The following FYCO1 variants were observed in gnomAD, a reference collection of about 807,000 sequenced individuals.
The protein encoded by FYCO1 is FYVE and coiled-coil domain-containing protein 1.
A neutral mutation model predicts 165.1 loss-of-function variants in FYCO1; 122 were observed. The observed-to-expected ratio is 0.74, with a 90% confidence interval of 0.64 to 0.86. The LOEUF is 0.86. Among genes scored for constraint, FYCO1 ranks in the 40% least tolerant of loss-of-function variants. FYCO1 has a pLI of 0.00. For missense variants in FYCO1, 1,702 were observed against 1,810.3 expected, an observed-to-expected ratio of 0.94 and a Z score of 1.09; for synonymous variants, 648 against 742.5, an observed-to-expected ratio of 0.87 and a Z score of 2.07.
At chr3:45,923,053 C>T (rs1002322227) in intron 17 of FYCO1, among the ~76,000 whole-genome samples, 2 of 152,202 alleles carry the variant, frequency 1.3e-5, no homozygotes, top group Non-Finnish European at 2.9e-5. Context: ...CATCTCCCTC[C>T]ATTCTCATTC....
chr3:45,984,960 A>T lies in FYCO1; in HGVS notation c.-50T>A, dbSNP rs749485330. 1 of 1,606,280 alleles carries T rather than the reference A, an allele frequency of 6.2e-7. No homozygotes were observed. Among genetic ancestry groups the T allele is most frequent in the South Asian group, 1.1e-5 (1 of 90,896 alleles). ...ATGTCTCCTGCCTGGGTCCAGAGGAAGGCTCAGAATTTCGGCCCTCGGTGG... is the reference window on the plus strand; with the variant it reads ...ATGTCTCCTGCCTGGGTCCAGAGGATGGCTCAGAATTTCGGCCCTCGGTGG... On this transcript the variant is annotated 5_prime_UTR_variant, in exon 2 of 18. Coordinates refer to ENST00000296137, the MANE Select transcript of FYCO1 (RefSeq NM_024513.4).
chr3:45,980,639 C>T (rs1050134265), intron 3 of FYCO1, among the ~76,000 whole-genome samples: 6 of 152,202 alleles, frequency 3.9e-5, no homozygotes, highest in East Asian at 3.8e-4. Context: ...CCCTTCAGCA[C>T]GTTAGGGGCC....
Position 45,946,956 on chromosome 3 carries a change from TC to T in FYCO1, c.3944+8292del, listed in dbSNP as rs1389355895. Reference sequence around the variant, plus strand: ...CACCAGCTTGCTCATCTGGGTGATATCCCTGCTGGTTTCCTTGCCCCAAATT... The same window carrying T: ...CACCAGCTTGCTCATCTGGGTGATATCCTGCTGGTTTCCTTGCCCCAAATT... On this transcript the variant is annotated intron_variant, in intron 14 of 17. Transcript: ENST00000296137. 4 of 1,614,110 alleles carry T rather than the reference TC, an allele frequency of 2.5e-6. No homozygotes were observed. The African/African-American group carries it at 5.3e-5, about 22-fold the overall frequency.
chr3:45,990,163 A>T (rs1280657823), intron 1 of FYCO1, among the ~76,000 whole-genome samples: 4 of 152,214 alleles, frequency 2.6e-5, no homozygotes, highest in African/African-American at 9.7e-5. Flanking sequence ...CTCTGATAGA[A>T]TATGACATAG....
At chr3:45,932,547 A>G (rs1250808238) in intron 15 of FYCO1, among the ~76,000 whole-genome samples, 6 of 152,210 alleles carry the variant, frequency 3.9e-5, no homozygotes, top group African/African-American at 1.2e-4. Context: ...TGTGGAGAAA[A>G]TGTATTACTA....
At chr3:45,956,868 A>AT (rs573849208) in intron 13 of FYCO1, among the ~76,000 whole-genome samples, 134 of 152,244 alleles carry the variant, frequency 8.8e-4, no homozygotes, top group Non-Finnish European at 1.7e-3. Flanking sequence ...TATCACCAGG[A>AT]TTTTTTGTAG....
intron 12 of FYCO1, 192 bp from the exon 13 acceptor site, chr3:45,958,811 G>T (rs1705516931): frequency 1.5e-6 from 1 of 683,768 alleles, no homozygotes; most frequent in Non-Finnish European, 2.6e-6. Context: ...GTGAAAGCAT[G>T]GTTTACTTCC....
chr3:45,961,198 A>G (rs1705680810), intron 11 of FYCO1, among the ~76,000 whole-genome samples: 1 of 152,180 alleles, frequency 6.6e-6, no homozygotes, highest in Non-Finnish European at 1.5e-5. Context: ...CAATCGGAAA[A>G]ATTTGAAACT....
intron 13 of FYCO1, among the ~76,000 whole-genome samples, chr3:45,955,945 A>G (rs942015498): frequency 5.3e-5 from 8 of 152,214 alleles, no homozygotes; most frequent in Middle Eastern, 3.2e-3. Context: ...ACCACTTAGT[A>G]GGAAGGCCAC....
intron 14 of FYCO1, chr3:45,947,238 A>C: frequency 6.2e-7 from 1 of 1,614,172 alleles, no homozygotes; most frequent in Non-Finnish European, 8.5e-7. Context: ...CATGAAGTTC[A>C]TCCGCAGCAC....
chr3:45,955,582 T>G (rs1462836455), intron 13 of FYCO1, among the ~76,000 whole-genome samples, 189 bp from the exon 14 acceptor site: 3 of 152,024 alleles, frequency 2.0e-5, no homozygotes. Flanking sequence ...GCTGGAACAT[T>G]CCAAAAAAGT....
chr3:45,970,627 C>T (rs1247225481), intron 6 of FYCO1, among the ~76,000 whole-genome samples: 1 of 152,030 alleles, frequency 6.6e-6, no homozygotes, highest in Non-Finnish European at 1.5e-5. Flanking sequence ...GTCTTGTGGG[C>T]TATATGGTCT....
chr3:45,961,278 T>C (rs1705684477), intron 11 of FYCO1, among the ~76,000 whole-genome samples: 1 of 152,164 alleles, frequency 6.6e-6, no homozygotes, highest in Non-Finnish European at 1.5e-5. Context: ...ACTGTGGTTG[T>C]TTAAAATGGA....
In FYCO1 at chr3:45,919,766, T is replaced by C. The variant is rs955708570; in HGVS notation, c.*1999A>G. The C allele has an allele frequency of 6.6e-6, 1 of 152,236 alleles. No individual in the cohort carries two copies. Among genetic ancestry groups the C allele is most frequent in the Non-Finnish European group, 1.5e-5 (1 of 68,044 alleles). 9.4% of individuals were successfully genotyped at this position (152,236 alleles called of 1,614,324 possible). A position where few individuals can be genotyped will look rare whatever the true frequency, so the allele number is the denominator to read the frequency against. On this transcript the variant is annotated 3_prime_UTR_variant, in exon 18 of 18. Transcript: ENST00000296137. Reference sequence around the variant, plus strand: ...TCTTTTGTTAGTTTCTTTCTAACAGTGAACAAGCTGACTTCTGATTATCAT... The same window carrying C: ...TCTTTTGTTAGTTTCTTTCTAACAGCGAACAAGCTGACTTCTGATTATCAT...
intron 14 of FYCO1, among the ~76,000 whole-genome samples, chr3:45,939,056 C>T (rs768413457): frequency 1.4e-4 from 22 of 152,224 alleles, no homozygotes; most frequent in Non-Finnish European, 8.8e-5. Context: ...TTTCCTCCTC[C>T]CCTTGCTCTG....
intron 13 of FYCO1, among the ~76,000 whole-genome samples, chr3:45,957,223 A>G (rs1047830741): frequency 2.0e-5 from 3 of 152,258 alleles, no homozygotes; most frequent in African/African-American, 7.2e-5. Flanking sequence ...ATCTCTATTC[A>G]TACCTTGCAC....
chr3:45,930,946 C>A, intron 16 of FYCO1, 125 bp downstream of exon 16: 1 of 893,486 alleles, frequency 1.1e-6, no homozygotes, highest in Non-Finnish European at 1.8e-6. Context: ...TGATACTGCC[C>A]AGAACATTCC....
Position 45,993,856 on chromosome 3 carries a change from G to C in FYCO1, c.-113+1866C>G, listed in dbSNP as rs891777578. Among the ~76,000 whole-genome samples the C allele has an allele frequency of 6.8e-6, 1 of 147,002 alleles. No individual in the cohort carries two copies. Among genetic ancestry groups the C allele is most frequent in the Non-Finnish European group, 1.5e-5 (1 of 66,420 alleles). ...TTGAGTCACCAAAGCTGTGTCTTTG[G>C]AATCTTCAGTAAACAAAAGTTACCT... On this transcript the variant is annotated intron_variant, in intron 1 of 17. Transcript: ENST00000296137. The surrounding 1 kb of genome is among the most constrained non-coding windows in gnomAD (Gnocchi z 4.4).
At chr3:45,977,939 C>T (rs1706853691) in intron 4 of FYCO1, among the ~76,000 whole-genome samples, 1 of 152,180 alleles carries the variant, frequency 6.6e-6, no homozygotes, top group Admixed American at 6.5e-5. Context: ...CCATTCCAAC[C>T]AATGATGCCC....
Sources: allele counts gnomAD v4.1 joint callset (sites outside exome capture counted in the v4.1 genomes callset), GRCh38; gene constraint gnomAD v4.1.1; non-coding constraint Gnocchi (gnomAD v3.1); transcripts MANE v1.5; gene names NCBI Gene and HGNC (gene_info 2026-07-23, HGNC 2026-07-21).